TAF3: variants seen among roughly 807,000 people sequenced by gnomAD.
TAF3 encodes the protein transcription initiation factor TFIID subunit 3.
In TAF3, 7 loss-of-function variants were observed where a neutral mutation model predicts 80.6. The observed-to-expected ratio is 0.09, with a 90% CI of 0.05 to 0.16. TAF3 has a LOEUF of 0.16. Ranked by LOEUF, TAF3 falls within the 10% of genes least tolerant of loss-of-function variation. TAF3 has a pLI of 1.00. For synonymous variants in TAF3, 444 were observed against 446.1 expected, an observed-to-expected ratio of 1.00 and a Z score of 0.06; for missense variants, 921 against 1,140.2, an observed-to-expected ratio of 0.81 and a Z score of 2.77.
intron 2 of TAF3, among the ~76,000 whole-genome samples, chr10:7,899,937 G>A (rs2131170316): frequency 6.6e-6 from 1 of 152,322 alleles, no homozygotes; most frequent in Admixed American, 6.5e-5. Flanking sequence ...TTAAAGGCAA[G>A]TATCTTTTGA....
At chr10:7,889,546 G>A (rs920436704) in intron 2 of TAF3, among the ~76,000 whole-genome samples, 7 of 152,180 alleles carry the variant, frequency 4.6e-5, no homozygotes, top group Non-Finnish European at 8.8e-5. Flanking sequence ...CAGGAACCTT[G>A]ATTTTAACCA....
intron 2 of TAF3, among the ~76,000 whole-genome samples, chr10:7,963,487 CAT>C (rs1481472823): frequency 6.6e-6 from 1 of 152,218 alleles, no homozygotes; most frequent in Non-Finnish European, 1.5e-5. Context: ...TGATGGCACA[CAT>C]GTTTGGAAGA....
intron 2 of TAF3, among the ~76,000 whole-genome samples, chr10:7,865,445 C>G (rs1588530678): frequency 6.6e-6 from 1 of 152,082 alleles, no homozygotes; most frequent in East Asian, 1.9e-4. Flanking sequence ...CGCCTCTGCA[C>G]TCCAGCCTGG....
intron 5 of TAF3, among the ~76,000 whole-genome samples, chr10:8,013,261 G>T (rs897014105): frequency 3.3e-5 from 5 of 152,160 alleles, no homozygotes; most frequent in Non-Finnish European, 7.3e-5. Context: ...TAATAAGGTG[G>T]TGCATGCACA....
At chr10:7,982,759 C>T (rs139967300) in intron 4 of TAF3, among the ~76,000 whole-genome samples, 236 of 152,238 alleles carry the variant, frequency 1.6e-3, no homozygotes, top group African/African-American at 5.3e-3. Context: ...TTTTTCAAGG[C>T]AGTAAATTTA....
At chr10:7,987,333 A>G (rs1184320775) in intron 4 of TAF3, among the ~76,000 whole-genome samples, 2 of 152,172 alleles carry the variant, frequency 1.3e-5, no homozygotes, top group Non-Finnish European at 2.9e-5. Flanking sequence ...AAATAAAAAA[A>G]GAACTTAGAA....
intron 2 of TAF3, among the ~76,000 whole-genome samples, chr10:7,933,462 A>G (rs958195595): frequency 1.3e-5 from 2 of 152,146 alleles, no homozygotes; most frequent in African/African-American, 4.8e-5. Context: ...CACTTGGGCT[A>G]TTGGACAGCA....
intron 2 of TAF3, among the ~76,000 whole-genome samples, chr10:7,857,965 G>A (rs1403447219): frequency 2.1e-5 from 3 of 144,082 alleles, no homozygotes; most frequent in Non-Finnish European, 4.5e-5. Flanking sequence ...TTTGCCAGCT[G>A]AATTATCTGG....
intron 2 of TAF3, among the ~76,000 whole-genome samples, chr10:7,828,505 G>C (rs1356738883): frequency 3.3e-5 from 5 of 152,122 alleles, no homozygotes; most frequent in African/African-American, 9.7e-5. Context: ...CTGATGGCTG[G>C]TACCCAGTGT....
intron 2 of TAF3, among the ~76,000 whole-genome samples, chr10:7,851,371 CAG>C (rs1036175354): frequency 3.9e-5 from 6 of 152,060 alleles, no homozygotes; most frequent in Non-Finnish European, 7.4e-5. Context: ...GTGACTGGAA[CAG>C]GGGGTGGTTG....
At chr10:7,996,140 G>T (rs1281082285) in intron 4 of TAF3, among the ~76,000 whole-genome samples, 1 of 152,142 alleles carries the variant, frequency 6.6e-6, no homozygotes, top group African/African-American at 2.4e-5. Context: ...AACATCAGTT[G>T]CTTCCTAGTT....
At chr10:7,883,938 C>T (rs916487027) in intron 2 of TAF3, among the ~76,000 whole-genome samples, 3 of 152,140 alleles carry the variant, frequency 2.0e-5, no homozygotes, top group African/African-American at 7.2e-5. Flanking sequence ...CCAGGCAACG[C>T]AGGGCATCAC....
At chr10:7,894,611 A>T (rs1044254444) in intron 2 of TAF3, among the ~76,000 whole-genome samples, 1 of 152,156 alleles carries the variant, frequency 6.6e-6, no homozygotes, top group African/African-American at 2.4e-5. Flanking sequence ...TTTTCTGTTC[A>T]TTTTTTTAGC....
chr10:7,964,217 G>A lies in TAF3; in HGVS notation c.707G>A (p.Ser236Asn), dbSNP rs1196475479. ...CTTTCTCCAGTCCATGTACAGGACA[G>A]TACAGACTTGGCACCTCCCTCACCC... Reference protein sequence around the residue: ...PMLSPVHVQDSTDLAPPSPEP... With the variant: ...PMLSPVHVQDNTDLAPPSPEP... The change falls in exon 3 of 7, where the codon AGT (serine) becomes AAT (asparagine). Residue 236 changes from serine (S) to asparagine (N), a missense_variant. Physicochemically the swap from Ser to Asn is conservative, Grantham distance 46 (BLOSUM62 1). Around this residue, in one of 6 missense-constraint regions of TAF3, gnomAD observed 743 missense variants for 821.0 expected, o/e 0.90. Transcript: ENST00000344293. This position sits in a 1 kb window ranked among gnomAD's most constrained non-coding sequence, Gnocchi z 4.1. 6.2e-6 allele frequency: 10 copies of A among 1,614,200 alleles called. No homozygotes were observed. The highest frequency in any genetic ancestry group is 1.7e-5 in the Admixed American group (1 of 60,032).
chr10:7,842,152 T>TTTTTTTTGTTTG (rs1836922088), intron 2 of TAF3, among the ~76,000 whole-genome samples: 2 of 114,960 alleles, frequency 1.7e-5, no homozygotes, highest in Admixed American at 9.5e-5. Flanking sequence ...ATTAATATTG[T>TTTTTTTTGTTTG]TTTTTTTTTT....
At chr10:7,825,374 G>A (rs572082816) in intron 2 of TAF3, among the ~76,000 whole-genome samples, 1 of 152,122 alleles carries the variant, frequency 6.6e-6, no homozygotes, top group Non-Finnish European at 1.5e-5. Flanking sequence ...CCATTGTAAA[G>A]GTGTGCAGTT....
At chr10:7,976,884 G>A (rs1438625935) in intron 3 of TAF3, among the ~76,000 whole-genome samples, 3 of 152,152 alleles carry the variant, frequency 2.0e-5, no homozygotes, top group Non-Finnish European at 1.5e-5. Context: ...AGACATCATC[G>A]CAGTTTTTTC....
chr10:7,914,174 C>T (rs944885224), intron 2 of TAF3, among the ~76,000 whole-genome samples: 3 of 151,966 alleles, frequency 2.0e-5, no homozygotes, highest in Non-Finnish European at 2.9e-5. Context: ...GTGATGATGG[C>T]GATGTGGTTA....
intron 2 of TAF3, among the ~76,000 whole-genome samples, chr10:7,948,258 CTT>C (rs575870423): frequency 1.9e-4 from 26 of 139,232 alleles, no homozygotes; most frequent in Admixed American, 2.2e-4. Flanking sequence ...TTCTTTCTTT[CTT>C]TTTTTTTTTT....
Sources: gnomAD v4.1 joint callset for allele counts (sites outside exome capture counted in the v4.1 genomes callset) on GRCh38, gnomAD v4.1.1 for gene constraint, gnomAD v4.1.1 regional missense constraint, Gnocchi (gnomAD v3.1) non-coding constraint, MANE v1.5 for transcripts, NCBI Gene and HGNC (gene_info 2026-07-23, HGNC 2026-07-21) for gene names.